The following GRIK4 variants were observed in gnomAD, a reference collection of about 807,000 sequenced individuals.
GRIK4 encodes the protein glutamate ionotropic receptor kainate type subunit 4.
A neutral mutation model predicts 104.9 loss-of-function variants in GRIK4; 40 were observed. The ratio of observed to expected loss-of-function variants is 0.38; its 90% CI spans 0.30 to 0.50. The LOEUF (loss-of-function observed/expected upper bound fraction) is 0.50, where lower values mean the gene tolerates loss of function less well. Ranked by LOEUF, GRIK4 falls within the 20% of genes least tolerant of loss-of-function variation. The probability of loss-of-function intolerance (pLI) is 0.93; values close to 1 mark genes in which losing one functional copy is unlikely to be tolerated. For synonymous variants in GRIK4, 485 were observed against 524.9 expected (o/e 0.92, Z 1.04); for missense variants, 1,047 against 1,308.1 (o/e 0.80, Z 3.08).
At position 120,676,500 on chromosome 11, in the gene GRIK4, A is replaced by T. The variant is rs368106549; in HGVS notation, c.82+16100A>T. Among the ~76,000 whole-genome samples, 5 of 152,236 alleles carry T rather than the reference A, an allele frequency of 3.3e-5. No individual in the cohort carries two copies. The East Asian group carries it at 9.6e-4, about 29-fold the overall frequency. ...CTTCTGGTGAGAGCTTTCGTACTGC[A>T]TCACAACATGGCAGAGAAGATCAAA... is the stretch of plus-strand genomic sequence containing the variant. On this transcript the variant is annotated intron_variant, in intron 3 of 20. Transcript: ENST00000527524.
rs546142658 is a variant in GRIK4 at position 120,735,392 on chromosome 11, C to A, written c.83-67301C>A. 3.9e-4 allele frequency among the ~76,000 whole-genome samples: 60 copies of A among 152,236 alleles called. 2 individuals carry two copies. The South Asian group carries it at 0.011, about 28-fold the overall frequency. ...CCCTTAGTTTCTCTCAAACAAATGG[C>A]ATATTTCTCTCTCTGTGCTTAGCCA... On this transcript the variant is annotated intron_variant, in intron 3 of 20. Transcript: ENST00000527524.
intron 13 of GRIK4, among the ~76,000 whole-genome samples, chr11:120,910,227 G>A (rs531265983): frequency 3.9e-5 from 6 of 152,304 alleles, no homozygotes; most frequent in African/African-American, 9.6e-5. Context: ...TTACAACAGC[G>A]GAAAGCATAC....
chr11:120,688,619 G>C (rs145610388), intron 3 of GRIK4, among the ~76,000 whole-genome samples: 1 of 152,166 alleles, frequency 6.6e-6, no homozygotes, highest in African/African-American at 2.4e-5. Flanking sequence ...TAATCCCATG[G>C]GTGAGTAGCA....
intron 3 of GRIK4, among the ~76,000 whole-genome samples, chr11:120,781,107 A>G (rs751041857): frequency 2.8e-5 from 4 of 144,644 alleles, no homozygotes; most frequent in Non-Finnish European, 6.0e-5. Context: ...AAGGGTTCCA[A>G]TTTCTCCACT....
intron 3 of GRIK4, among the ~76,000 whole-genome samples, chr11:120,706,976 C>T (rs188741562): frequency 3.3e-5 from 5 of 152,280 alleles, no homozygotes; most frequent in East Asian, 1.9e-4. Context: ...ATGAAAAGAG[C>T]GAATAGCTAC....
intron 13 of GRIK4, among the ~76,000 whole-genome samples, chr11:120,908,432 C>T (rs1449241249): frequency 1.1e-5 from 1 of 90,536 alleles, no homozygotes; most frequent in East Asian, 5.2e-4. Flanking sequence ...AACACACACA[C>T]ACACATACAC....
chr11:120,618,000 TG>T (rs1206997933), intron 1 of GRIK4, among the ~76,000 whole-genome samples: 4 of 152,180 alleles, frequency 2.6e-5, no homozygotes, highest in Non-Finnish European at 4.4e-5. Flanking sequence ...AGGCAGAGGC[TG>T]AGAGAGTATG....
intron 11 of GRIK4, among the ~76,000 whole-genome samples, chr11:120,891,473 A>C (rs1033152659): frequency 1.3e-5 from 2 of 152,210 alleles, no homozygotes; most frequent in East Asian, 3.8e-4. Context: ...TCATGACCTA[A>C]ACTTGCTAAG....
intron 13 of GRIK4, among the ~76,000 whole-genome samples, chr11:120,934,066 A>G (rs370038184): frequency 3.3e-5 from 5 of 152,026 alleles, no homozygotes; most frequent in South Asian, 2.1e-4. Flanking sequence ...TTAGTCGGGC[A>G]TGGTGGCGGG....
chr11:120,724,115 T>A (rs1167010991), intron 3 of GRIK4, among the ~76,000 whole-genome samples: 1 of 152,200 alleles, frequency 6.6e-6, no homozygotes, highest in East Asian at 1.9e-4. Flanking sequence ...CAATCATCCA[T>A]GTTGTTGCCT....
At chr11:120,886,575 A>G (rs1052338490) in intron 11 of GRIK4, among the ~76,000 whole-genome samples, 1 of 152,220 alleles carries the variant, frequency 6.6e-6, no homozygotes, top group Non-Finnish European at 1.5e-5. Context: ...CCAGAGGCTC[A>G]CAGGAACCTA....
At chr11:120,668,727 T>C (rs1030526858) in intron 3 of GRIK4, among the ~76,000 whole-genome samples, 23 of 152,340 alleles carry the variant, frequency 1.5e-4, no homozygotes, top group African/African-American at 5.5e-4. Flanking sequence ...AGTGCACATA[T>C]TAACACCAGG....
chr11:120,515,487 G>A (rs1201936617), intron 1 of GRIK4, among the ~76,000 whole-genome samples: 1 of 152,242 alleles, frequency 6.6e-6, no homozygotes, highest in Non-Finnish European at 1.5e-5. Flanking sequence ...GCATGGGTAT[G>A]GAGGGCACAT....
At chr11:120,682,681 C>T (rs960391047) in intron 3 of GRIK4, among the ~76,000 whole-genome samples, 15 of 151,744 alleles carry the variant, frequency 9.9e-5, no homozygotes, top group Admixed American at 6.6e-4. Flanking sequence ...TCCCAGTGCC[C>T]GACACAGTTT....
intron 3 of GRIK4, among the ~76,000 whole-genome samples, chr11:120,777,283 T>C (rs1952062643): frequency 6.6e-6 from 1 of 152,214 alleles, no homozygotes; most frequent in African/African-American, 2.4e-5. Context: ...CAGTTTGGTG[T>C]CATTTCTCTG....
At chr11:120,912,824 C>T (rs1198625331) in intron 13 of GRIK4, among the ~76,000 whole-genome samples, 1 of 152,126 alleles carries the variant, frequency 6.6e-6, no homozygotes, top group African/African-American at 2.4e-5. Context: ...GTTCATGTGG[C>T]TGGAGCAATA....
intron 3 of GRIK4, among the ~76,000 whole-genome samples, chr11:120,710,997 T>G (rs1027767362): frequency 5.5e-4 from 69 of 124,880 alleles, no homozygotes; most frequent in African/African-American, 1.2e-3. Context: ...CCCTGTGAGG[T>G]GGGGAGGGGG....
intron 3 of GRIK4, among the ~76,000 whole-genome samples, chr11:120,735,725 T>C (rs1951210261): frequency 1.3e-5 from 2 of 151,748 alleles, no homozygotes; most frequent in Non-Finnish European, 1.5e-5. Flanking sequence ...CCTGGTGTTC[T>C]ATTCTTCTGT....
intron 8 of GRIK4, among the ~76,000 whole-genome samples, chr11:120,845,979 G>C (rs1028231780): frequency 6.6e-6 from 1 of 152,132 alleles, no homozygotes; most frequent in African/African-American, 2.4e-5. Context: ...ATGTCTCCTG[G>C]GCGTGCTTGG....
Sources: allele counts gnomAD v4.1 joint callset (sites outside exome capture counted in the v4.1 genomes callset), GRCh38; gene constraint gnomAD v4.1.1; transcripts MANE v1.5; gene names NCBI Gene and HGNC (gene_info 2026-07-23, HGNC 2026-07-21).